MYO15B: variants seen among roughly 807,000 people sequenced by gnomAD.
MYO15B encodes the protein myosin XVB pseudogene.
In MYO15B, 207 loss-of-function variants were observed where a neutral mutation model predicts 119.3. The ratio of observed to expected loss-of-function variants is 1.73; its 90% CI spans 1.55 to 1.95. The LOEUF is 1.95. Among genes scored for constraint, MYO15B ranks in the 30% most tolerant of loss-of-function variants. MYO15B has a pLI of 0.00. For synonymous variants in MYO15B, 966 were observed against 498.9 expected, an observed-to-expected ratio of 1.94 and a Z score of -12.48; for missense variants, 2,264 against 1,203.1, an observed-to-expected ratio of 1.88 and a Z score of -13.04.
At chr17:75,610,091 T>C (rs1457512807) in intron 21 of MYO15B, 75 bp from the exon 22 acceptor site, 1 of 614,672 alleles carries the variant, frequency 1.6e-6, no homozygotes, top group East Asian at 2.8e-5. Context: ...ATGTCAGGCT[T>C]AAGGGATTCC....
chr17:75,606,652 T>C (rs2057672749), intron 21 of MYO15B, among the ~76,000 whole-genome samples: 1 of 151,930 alleles, frequency 6.6e-6, no homozygotes, highest in Non-Finnish European at 1.5e-5. Context: ...TTTGTATTTT[T>C]AGTAGAGACG....
exon 55 of MYO15B, chr17:75,623,955 C>T (rs1314570614): frequency 1.4e-6 from 1 of 703,058 alleles, no homozygotes; most frequent in East Asian, 2.7e-5. Context: ...GCAGGGAACA[C>T]TGCACTCGAG....
chr17:75,596,178 A>G lies in MYO15B; in HGVS notation c.3298-282A>G, dbSNP rs192207876. Among the ~76,000 whole-genome samples, 14 of 152,322 alleles carry G rather than the reference A, an allele frequency of 9.2e-5. No individual in the cohort carries two copies. The East Asian group carries it at 2.7e-3, about 29-fold the overall frequency. ...TAGCCAACCTGCTATTTAGTAGGGA[A>G]AGTCGCCTTCCAAGCCACAGGATGG... On this transcript the variant is annotated intron_variant, in intron 12 of 63. Transcript: ENST00000645453.
At position 75,625,659 on chromosome 17, in the gene MYO15B, T is replaced by TG; in HGVS notation, c.8938+1dup. The TG allele has an allele frequency of 1.4e-6, 1 of 702,886 alleles. No homozygotes were observed. The highest frequency in any genetic ancestry group is 2.6e-6 in the Non-Finnish European group (1 of 384,978). The allele number at this position is 702,886 out of a possible 1,614,324, so 43.5% of individuals were successfully genotyped here. ...CCCAGGAAGCACAGATCAGCTTCAT[T>TG]GGTGGGTCTGGGACTAGGGGACCGC... On this transcript the variant is annotated frameshift_variant and splice_region_variant, in exon 61 of 64. Transcript: ENST00000645453. LOFTEE classifies it high-confidence loss of function.
At chr17:75,599,173 C>A (rs1400553368) in intron 14 of MYO15B, among the ~76,000 whole-genome samples, 2 of 152,198 alleles carry the variant, frequency 1.3e-5, no homozygotes, top group Non-Finnish European at 1.5e-5. Context: ...GCTGGGATTA[C>A]AGGTGTGAGC....
exon 4 of MYO15B, chr17:75,591,184 C>T (rs1177988088): frequency 5.7e-6 from 4 of 702,982 alleles, no homozygotes; most frequent in Admixed American, 2.0e-5. Context: ...ACATCTTTGC[C>T]ATCGTGGCAT....
At chr17:75,610,319 C>A in intron 22 of MYO15B, 60 bp downstream of exon 22, 1 of 638,348 alleles carries the variant, frequency 1.6e-6, no homozygotes, top group Non-Finnish European at 2.9e-6. Flanking sequence ...GCTGGCCGAG[C>A]TGGCCAAATC....
intron 16 of MYO15B, 107 bp downstream of exon 16, chr17:75,602,701 G>A: frequency 1.6e-6 from 1 of 607,688 alleles, no homozygotes; most frequent in Non-Finnish European, 2.9e-6. Context: ...CAAGTCCCTG[G>A]CACCTTGGGC....
At chr17:75,620,196 G>A in intron 47 of MYO15B, 50 bp from the exon 48 acceptor site, 1 of 701,914 alleles carries the variant, frequency 1.4e-6, no homozygotes, top group South Asian at 1.5e-5. Flanking sequence ...GGCAGGACAG[G>A]GAGGCACAGG....
In MYO15B at chr17:75,596,879, G is replaced by A. The variant is rs751988648; in HGVS notation, c.3505G>A (p.Ala1169Thr). The A allele has an allele frequency of 7.5e-5, 53 of 702,192 alleles. No individual in the cohort carries two copies. The East Asian group carries it at 1.2e-3, about 16-fold the overall frequency. 43.5% of individuals were successfully genotyped at this position (702,192 alleles called of 1,614,324 possible). ...CCACAGCCTCCTGAGTATCCTGGAC[G>A]CCCAGACATGGCTGTCCCAGGTAAG... The change falls in exon 14 of 64, where the codon GCC (alanine) becomes ACC (threonine). Residue 1169 changes from alanine to threonine, a missense_variant. Physicochemically the swap from Ala to Thr is moderately conservative, Grantham distance 58. Coordinates refer to ENST00000645453, the Ensembl canonical transcript of MYO15B.
At chr17:75,606,894 C>T in intron 21 of MYO15B, 1 of 398,508 alleles carries the variant, frequency 2.5e-6, no homozygotes, top group East Asian at 3.6e-5. Flanking sequence ...ACACCACCCT[C>T]CCACTTCTCA....
exon 40 of MYO15B, chr17:75,616,890 C>G: frequency 2.8e-6 from 2 of 703,030 alleles, no homozygotes; most frequent in East Asian, 5.4e-5. Context: ...CAAAGCTTTC[C>G]TGAGGAAAAT....
In MYO15B at chr17:75,624,165, T is replaced by G. The variant is rs1476347277; in HGVS notation, c.8273-10T>G. 1.1e-5 allele frequency: 8 copies of G among 702,856 alleles called. No homozygotes were observed. The South Asian group carries it at 1.2e-4, about 10-fold the overall frequency. The allele number at this position is 702,856 out of a possible 1,614,324, so 43.5% of individuals were successfully genotyped here. On this transcript the variant is annotated splice_polypyrimidine_tract_variant and intron_variant, in intron 55 of 63. Coordinates refer to ENST00000645453, the Ensembl canonical transcript of MYO15B. Reference sequence around the variant, plus strand: ...GGCCATCTCATAACCCCAGGCTGGCTTCTCTGCAGAGCTGGCCCGGAGCAG... The same window carrying G: ...GGCCATCTCATAACCCCAGGCTGGCGTCTCTGCAGAGCTGGCCCGGAGCAG...
chr17:75,598,974 T>G (rs2147810622), intron 14 of MYO15B, among the ~76,000 whole-genome samples: 1 of 152,338 alleles, frequency 6.6e-6, no homozygotes, highest in East Asian at 1.9e-4. Context: ...CTCATTTACA[T>G]AATATAGGCA....
At chr17:75,616,662 G>T in exon 39 of MYO15B, 1 of 702,944 alleles carries the variant, frequency 1.4e-6, no homozygotes, top group Non-Finnish European at 2.6e-6. Flanking sequence ...CAAGGCAGGG[G>T]GACTGTGGTG....
rs550740455 is a variant in MYO15B at position 75,610,930 on chromosome 17, G to A, written c.4417G>A (p.Glu1473Lys). 449 of 703,070 alleles carry A rather than the reference G, an allele frequency of 6.4e-4. 8 individuals carry two copies. Among genetic ancestry groups the A allele is most frequent in the South Asian group, 6.1e-3 (412 of 67,606 alleles). 43.6% of individuals were successfully genotyped at this position (703,070 alleles called of 1,614,324 possible). A position where few individuals can be genotyped will look rare whatever the true frequency, so the allele number is the denominator to read the frequency against. ...GCGTTGGCAGGGCTGGCATAGCAGCGAAAGGGCCTTGGAGAGAGTGCCAAG... is the reference window on the plus strand; with the variant it reads ...GCGTTGGCAGGGCTGGCATAGCAGCAAAAGGGCCTTGGAGAGAGTGCCAAG... Residue 1473 changes from glutamate (E) to lysine (K), a missense_variant, in exon 23 of 64, where the codon GAA (glutamate) becomes AAA (lysine). Transcript: ENST00000645453.
In MYO15B at chr17:75,605,605, A is replaced by C. The variant is rs866158804; in HGVS notation, c.4118A>C (p.His1373Pro). 2.6e-5 allele frequency: 18 copies of C among 702,604 alleles called. No homozygotes were observed. The African/African-American group carries it at 3.0e-4, about 12-fold the overall frequency. 43.5% of individuals were successfully genotyped at this position (702,604 alleles called of 1,614,324 possible). The change falls in exon 20 of 64, where the codon CAC becomes CCC. Residue 1373 changes from histidine to proline, a missense_variant. Coordinates refer to ENST00000645453, the Ensembl canonical transcript of MYO15B. ...CTGGGGGCCGAATCACCTCTCTATC[A>C]CCTTGGAGCCACCAAGGTGGGTGTG...
rs149627098 is a variant in MYO15B at position 75,617,914 on chromosome 17, C to T, written c.6919C>T (p.Arg2307Cys). 9.2e-4 allele frequency: 648 copies of T among 702,848 alleles called. 6 individuals carry two copies. In the African/African-American group the frequency reaches 9.5e-3, roughly 10 times the overall value. 43.5% of individuals were successfully genotyped at this position (702,848 alleles called of 1,614,324 possible). A position where few individuals can be genotyped will look rare whatever the true frequency, so the allele number is the denominator to read the frequency against. The change falls in exon 42 of 64, where the codon CGC (arginine) becomes TGC (cysteine). Residue 2307 changes from arginine to cysteine, a missense_variant. Arg to Cys is a radical substitution (Grantham distance 180, BLOSUM62 -3). Transcript: ENST00000645453. ...CGGCACGCCCTGGAAGTTGTTCCTA[C>T]GCAAGGAGGTGGGCATGAGGGTGGG...
chr17:75,590,998 A>G (rs1218758489), exon 3 of MYO15B: 7 of 582,056 alleles, frequency 1.2e-5, no homozygotes, highest in Non-Finnish European at 1.9e-5. Context: ...CACCCCAGGA[A>G]GGCCCTCAGC....
Sources: gnomAD v4.1 joint callset for allele counts (sites outside exome capture counted in the v4.1 genomes callset) on GRCh38, gnomAD v4.1.1 for gene constraint, MANE v1.5 for transcripts, NCBI Gene and HGNC (gene_info 2026-07-23, HGNC 2026-07-21) for gene names.